PDE4D: variants seen among roughly 807,000 people sequenced by gnomAD.
PDE4D encodes the protein 3',5'-cyclic-AMP phosphodiesterase 4D.
In PDE4D, 24 loss-of-function variants were observed where a neutral mutation model predicts 87.4. That is an observed-to-expected ratio of 0.27 (90% CI 0.20 to 0.39). The LOEUF is 0.39. Ranked by LOEUF, PDE4D falls within the 10% of genes least tolerant of loss-of-function variation. The pLI, the probability that PDE4D is intolerant of heterozygous loss-of-function variation, is 1.00. For missense variants in PDE4D, 714 were observed against 1,041.0 expected, an observed-to-expected ratio of 0.69 and a Z score of 4.32; for synonymous variants, 384 against 383.2, an observed-to-expected ratio of 1.00 and a Z score of -0.02.
At chr5:60,427,238 C>A (rs1255896584) in intron 1 of PDE4D, among the ~76,000 whole-genome samples, 1 of 151,944 alleles carries the variant, frequency 6.6e-6, no homozygotes, top group Non-Finnish European at 1.5e-5. Flanking sequence ...ATAAAGAAAA[C>A]CACACCCAGG....
At chr5:59,417,896 G>T (rs1293330940) in intron 1 of PDE4D, among the ~76,000 whole-genome samples, 2 of 152,164 alleles carry the variant, frequency 1.3e-5, no homozygotes, top group African/African-American at 4.8e-5. Context: ...TTCCACGTTA[G>T]GCCCTAATTA....
intron 1 of PDE4D, among the ~76,000 whole-genome samples, chr5:59,372,438 GA>G (rs1167211738): frequency 3.3e-5 from 5 of 152,068 alleles, no homozygotes; most frequent in Admixed American, 6.6e-5. Flanking sequence ...TTAAAATGAA[GA>G]AAAAAATTGT....
At chr5:60,266,692 A>G (rs1411514972) in intron 1 of PDE4D, among the ~76,000 whole-genome samples, 1 of 152,204 alleles carries the variant, frequency 6.6e-6, no homozygotes, top group Non-Finnish European at 1.5e-5. Context: ...CTAGGTGGAT[A>G]TACAATCTAG....
intron 1 of PDE4D, among the ~76,000 whole-genome samples, chr5:60,365,815 G>A (rs997972880): frequency 4.6e-5 from 7 of 152,032 alleles, no homozygotes; most frequent in African/African-American, 1.2e-4. Flanking sequence ...AGGCTGAGGC[G>A]GGTGGGTTAC....
intron 1 of PDE4D, among the ~76,000 whole-genome samples, chr5:60,351,888 C>T (rs1208043866): frequency 6.6e-6 from 1 of 151,552 alleles, no homozygotes; most frequent in African/African-American, 2.4e-5. Flanking sequence ...TCACTACAGC[C>T]TTGAACTCTT....
At chr5:60,298,690 A>G (rs1338238376) in intron 1 of PDE4D, among the ~76,000 whole-genome samples, 1 of 152,156 alleles carries the variant, frequency 6.6e-6, no homozygotes, top group African/African-American at 2.4e-5. Flanking sequence ...ATCTTCCACT[A>G]ATATGTGCAA....
chr5:60,446,598 AG>A (rs1745662360), intron 1 of PDE4D, among the ~76,000 whole-genome samples: 2 of 152,292 alleles, frequency 1.3e-5, no homozygotes, highest in African/African-American at 2.4e-5. Context: ...TTGAAGTACA[AG>A]TCAGTTGCAT....
At chr5:60,300,242 G>A (rs1325033511) in intron 1 of PDE4D, among the ~76,000 whole-genome samples, 2 of 152,080 alleles carry the variant, frequency 1.3e-5, no homozygotes, top group Admixed American at 6.5e-5. Context: ...TTTTAATTGG[G>A]CCATTGGTTT....
At chr5:59,979,000 G>C (rs1257524681) in intron 3 of PDE4D, among the ~76,000 whole-genome samples, 1 of 152,008 alleles carries the variant, frequency 6.6e-6, no homozygotes, top group Non-Finnish European at 1.5e-5. Flanking sequence ...CTACAATATA[G>C]TGTAAACATA....
chr5:59,852,689 T>C (rs1170867341), intron 1 of PDE4D, among the ~76,000 whole-genome samples: 1 of 152,120 alleles, frequency 6.6e-6, no homozygotes, highest in Non-Finnish European at 1.5e-5. Flanking sequence ...TTCATTATTG[T>C]TTTAAGCTGC....
chr5:59,968,072 C>T (rs951495898), intron 3 of PDE4D, among the ~76,000 whole-genome samples: 5 of 149,468 alleles, frequency 3.3e-5, no homozygotes, highest in South Asian at 4.2e-4. Flanking sequence ...ACAACCTCCA[C>T]CTCCTGGGTT....
At chr5:59,526,936 C>T (rs1323931865) in intron 1 of PDE4D, among the ~76,000 whole-genome samples, 1 of 152,098 alleles carries the variant, frequency 6.6e-6, no homozygotes. Flanking sequence ...AATTTTATTT[C>T]TTACTTGACT....
At chr5:60,322,367 T>TACACACACACACACAC (rs60232413) in intron 1 of PDE4D, among the ~76,000 whole-genome samples, 1 of 132,724 alleles carries the variant, frequency 7.5e-6, no homozygotes, top group Non-Finnish European at 1.6e-5. Context: ...TGGACACACA[T>TACACACACACACACAC]ACACACACAC....
rs139192211 is a variant in PDE4D at position 60,318,115 on chromosome 5, G to T, written c.-89-132428C>A. 3.2e-4 allele frequency among the ~76,000 whole-genome samples: 48 copies of T among 152,222 alleles called. 1 individual carries two copies. The South Asian group carries it at 9.1e-3, about 29-fold the overall frequency. Reference sequence around the variant, plus strand: ...TAAAGTCTCCCATTATTGTATGGGCGTCTAAGTCTCTTTCTAGGTCTCTAA... The same window carrying T: ...TAAAGTCTCCCATTATTGTATGGGCTTCTAAGTCTCTTTCTAGGTCTCTAA... On this transcript the variant is annotated intron_variant, in intron 1 of 16. Coordinates refer to the PDE4D transcript ENST00000502484.
intron 1 of PDE4D, among the ~76,000 whole-genome samples, chr5:59,591,541 A>C (rs1825921413): frequency 6.6e-6 from 1 of 151,940 alleles, no homozygotes; most frequent in Admixed American, 6.6e-5. Flanking sequence ...AGCTAATGTC[A>C]ATGTTTGCCT....
intron 3 of PDE4D, among the ~76,000 whole-genome samples, chr5:59,970,485 T>C (rs1249299331): frequency 6.6e-6 from 1 of 152,086 alleles, no homozygotes; most frequent in Non-Finnish European, 1.5e-5. Flanking sequence ...ATCCAGAATC[T>C]ACAATGAACT....
chr5:59,419,685 C>G (rs1463963682), intron 1 of PDE4D, among the ~76,000 whole-genome samples: 1 of 152,278 alleles, frequency 6.6e-6, no homozygotes, highest in Middle Eastern at 3.4e-3. Context: ...TGCATGCAAT[C>G]TTAACATCTG....
chr5:59,533,250 G>GC (rs1278721674), intron 1 of PDE4D, among the ~76,000 whole-genome samples: 1 of 152,106 alleles, frequency 6.6e-6, no homozygotes, highest in Non-Finnish European at 1.5e-5. Flanking sequence ...AAGGAAATGG[G>GC]CCTCTCCAAT....
At chr5:60,220,490 C>T (rs1562231782) in intron 1 of PDE4D, among the ~76,000 whole-genome samples, 1 of 152,120 alleles carries the variant, frequency 6.6e-6, no homozygotes, top group East Asian at 1.9e-4. Context: ...CTTCACCCAA[C>T]TATCCTGATT....
Sources: allele counts gnomAD v4.1 joint callset (sites outside exome capture counted in the v4.1 genomes callset), GRCh38; gene constraint gnomAD v4.1.1; transcripts MANE v1.5; gene names NCBI Gene and HGNC (gene_info 2026-07-23, HGNC 2026-07-21).